GAPVD1: variants seen among roughly 807,000 people sequenced by gnomAD.
The protein encoded by GAPVD1 is GTPase-activating protein and VPS9 domain-containing protein 1.
A neutral mutation model predicts 155.5 loss-of-function variants in GAPVD1; 35 were observed. That is an observed-to-expected ratio of 0.23 (90% CI 0.17 to 0.30). The LOEUF (loss-of-function observed/expected upper bound fraction) is 0.30, where lower values mean the gene tolerates loss of function less well. Among genes scored for constraint, GAPVD1 ranks in the 10% least tolerant of loss-of-function variants. The pLI is 1.00. For missense variants in GAPVD1, 1,429 were observed against 1,775.7 expected, an observed-to-expected ratio of 0.80 and a Z score of 3.51; for synonymous variants, 636 against 619.7, an observed-to-expected ratio of 1.03 and a Z score of -0.39.
At chr9:125,324,199 T>C (rs1844802975) in intron 11 of GAPVD1, among the ~76,000 whole-genome samples, 1 of 152,170 alleles carries the variant, frequency 6.6e-6, no homozygotes, top group South Asian at 2.1e-4. Context: ...TACTCAAGGC[T>C]CAAGGAACTT....
At chr9:125,327,303 C>T (rs1464730396) in intron 12 of GAPVD1, among the ~76,000 whole-genome samples, 1 of 151,932 alleles carries the variant, frequency 6.6e-6, no homozygotes, top group African/African-American at 2.4e-5. Context: ...TTGTAACCCT[C>T]ATCTTCATTT....
chr9:125,311,901 G>T (rs971954598), intron 8 of GAPVD1, among the ~76,000 whole-genome samples: 3 of 151,898 alleles, frequency 2.0e-5, no homozygotes, highest in Admixed American at 6.6e-5. Flanking sequence ...TTGTATTTTA[G>T]TAGAGATGGG....
chr9:125,343,862 G>A (rs944571935), intron 19 of GAPVD1, among the ~76,000 whole-genome samples: 5 of 152,148 alleles, frequency 3.3e-5, no homozygotes, highest in African/African-American at 1.2e-4. Context: ...TTTACAAAGT[G>A]AATTACTCTT....
At position 125,337,455 on chromosome 9, in the gene GAPVD1, G is replaced by A; in HGVS notation, c.2741G>A (p.Ser914Asn). ...GTATCTTCTGTCCGGAGACCCATGAGTGACCCCAGCTGGAACCGGCGTCCA... is the reference window on the plus strand; with the variant it reads ...GTATCTTCTGTCCGGAGACCCATGAATGACCCCAGCTGGAACCGGCGTCCA... ...DIVSSVRRPMSDPSWNRRPGN... is the reference protein window; with the variant it reads ...DIVSSVRRPMNDPSWNRRPGN... Residue 914 changes from serine (S) to asparagine (N), a missense_variant, in exon 17 of 28, where the codon AGT becomes AAT. Ser to Asn is a conservative substitution (Grantham distance 46). Coordinates refer to ENST00000297933, the MANE Select transcript of GAPVD1 (RefSeq NM_001282680.3). 1 of 1,614,204 alleles carries A rather than the reference G, an allele frequency of 6.2e-7. No homozygotes were observed. Among genetic ancestry groups the A allele is most frequent in the Non-Finnish European group, 8.5e-7 (1 of 1,180,032 alleles).
At chr9:125,309,230 A>G (rs1430606235) in intron 8 of GAPVD1, 2 of 152,048 alleles carry the variant, frequency 1.3e-5, no homozygotes, top group African/African-American at 4.8e-5. Context: ...GTGGCATCAT[A>G]CTCTTCAAGT....
intron 20 of GAPVD1, among the ~76,000 whole-genome samples, chr9:125,348,593 A>T (rs1403907453): frequency 6.6e-6 from 1 of 151,438 alleles, no homozygotes; most frequent in African/African-American, 2.4e-5. Context: ...GCTCACTGCA[A>T]CCTCCACCTC....
chr9:125,273,716 C>A (rs1389657875), intron 2 of GAPVD1, among the ~76,000 whole-genome samples: 1 of 151,922 alleles, frequency 6.6e-6, no homozygotes, highest in Non-Finnish European at 1.5e-5. Context: ...AAGCTCTAGA[C>A]AGTAGCATGC....
intron 2 of GAPVD1, among the ~76,000 whole-genome samples, chr9:125,283,916 A>G (rs1837213548): frequency 6.6e-6 from 1 of 151,620 alleles, no homozygotes; most frequent in Admixed American, 6.6e-5. Context: ...TCTGTCACCC[A>G]GGCTGGAGTG....
At chr9:125,288,154 C>G (rs1387356027) in intron 2 of GAPVD1, among the ~76,000 whole-genome samples, 1 of 147,726 alleles carries the variant, frequency 6.8e-6, no homozygotes, top group African/African-American at 2.5e-5. Flanking sequence ...CTCTGTCGCC[C>G]AGGCTGGAGT....
At position 125,326,494 on chromosome 9, in the gene GAPVD1, A is replaced by G; in HGVS notation, c.1937A>G (p.Asp646Gly). 1 of 1,606,256 alleles carries G rather than the reference A, an allele frequency of 6.2e-7. No homozygotes were observed. Among genetic ancestry groups the G allele is most frequent in the Non-Finnish European group, 8.5e-7 (1 of 1,172,794 alleles). ...RDMMGLTDDRDISETVSETWS... is the reference protein window; with the variant it reads ...RDMMGLTDDRGISETVSETWS... ...ATGATGGGATTAACAGATGATAGGG[A>G]CATATCAGAAACAGTGAGTGAGACC... is the stretch of plus-strand genomic sequence containing the variant. The change falls in exon 12 of 28, where the codon GAC (aspartate) becomes GGC (glycine). Residue 646 changes from aspartate to glycine, a missense_variant. Around this residue, in one of 4 missense-constraint regions of GAPVD1, gnomAD observed 699 missense variants for 826.0 expected, o/e 0.85. Transcript: ENST00000297933.
chr9:125,362,968 C>A lies in GAPVD1; in HGVS notation c.*222C>A. ...GAGTTGCATATTCTATTTTCTTGTC[C>A]CCAAGTAGAGACTAGTACTACAAAA... is the stretch of plus-strand genomic sequence containing the variant. On this transcript the variant is annotated 3_prime_UTR_variant, in exon 28 of 28. Transcript: ENST00000297933. 1 of 305,906 alleles carries A rather than the reference C, an allele frequency of 3.3e-6. No individual in the cohort carries two copies. The highest frequency in any genetic ancestry group is 6.0e-6 in the Non-Finnish European group (1 of 166,242). 18.9% of individuals were successfully genotyped at this position (305,906 alleles called of 1,614,324 possible). A position where few individuals can be genotyped will look rare whatever the true frequency, so the allele number is the denominator to read the frequency against.
intron 2 of GAPVD1, among the ~76,000 whole-genome samples, chr9:125,293,107 C>A (rs1309384021): frequency 2.6e-5 from 4 of 152,072 alleles, no homozygotes; most frequent in Non-Finnish European, 5.9e-5. Flanking sequence ...AAGGAAAGGA[C>A]CAATGTGAGA....
chr9:125,322,075 T>C (rs1345328567), intron 10 of GAPVD1, among the ~76,000 whole-genome samples: 1 of 152,172 alleles, frequency 6.6e-6, no homozygotes, highest in African/African-American at 2.4e-5. Flanking sequence ...GTACCAATTT[T>C]TTTTTTTTGA....
At chr9:125,338,325 A>T (rs1466442231) in intron 17 of GAPVD1, among the ~76,000 whole-genome samples, 1 of 152,230 alleles carries the variant, frequency 6.6e-6, no homozygotes, top group Non-Finnish European at 1.5e-5. Context: ...ACAAACAAGC[A>T]GATTCTCCTA....
chr9:125,306,656 C>G (rs1183211321), intron 6 of GAPVD1, among the ~76,000 whole-genome samples: 3 of 152,088 alleles, frequency 2.0e-5, no homozygotes, highest in African/African-American at 7.2e-5. Flanking sequence ...CCACACCTGG[C>G]TAATTTTGGT....
At chr9:125,303,356 T>C (rs2130920663) in intron 5 of GAPVD1, among the ~76,000 whole-genome samples, 1 of 150,442 alleles carries the variant, frequency 6.6e-6, no homozygotes, top group African/African-American at 2.4e-5. Flanking sequence ...TCAAGCTGGG[T>C]GTGGTGGCTC....
intron 9 of GAPVD1, among the ~76,000 whole-genome samples, chr9:125,314,937 G>C (rs1030632833): frequency 4.3e-4 from 65 of 151,722 alleles, no homozygotes; most frequent in African/African-American, 1.4e-3. Context: ...ACAGGCGCCC[G>C]CCACCACGCC....
At chr9:125,355,575 G>A in intron 24 of GAPVD1, 69 bp from the exon 25 acceptor site, 1 of 977,050 alleles carries the variant, frequency 1.0e-6, no homozygotes, top group East Asian at 2.6e-5. Flanking sequence ...TTATTTCTAT[G>A]ATTTCCTTTT....
At chr9:125,328,472 C>A (rs1400546417) in intron 12 of GAPVD1, among the ~76,000 whole-genome samples, 2 of 136,674 alleles carry the variant, frequency 1.5e-5, no homozygotes, top group African/African-American at 5.9e-5. Flanking sequence ...ATCCATTTAA[C>A]CCTGAGTGGA....
Sources: gnomAD v4.1 joint callset for allele counts (sites outside exome capture counted in the v4.1 genomes callset) on GRCh38, gnomAD v4.1.1 for gene constraint, gnomAD v4.1.1 regional missense constraint, MANE v1.5 for transcripts, NCBI Gene and HGNC (gene_info 2026-07-23, HGNC 2026-07-21) for gene names.